The following MAP4K5 variants were observed in gnomAD, a reference collection of about 807,000 sequenced individuals.
MAP4K5 encodes the protein MAPK/ERK kinase kinase kinase 5.
Under a neutral mutation model 135.6 loss-of-function variants are expected in MAP4K5, and 82 were observed. That is an observed-to-expected ratio of 0.60 (90% confidence interval 0.51 to 0.73). The LOEUF (loss-of-function observed/expected upper bound fraction) is 0.73. MAP4K5 is among the 30% of genes least tolerant of loss of function. The pLI is 0.00. For missense variants in MAP4K5, 907 were observed against 1,010.9 expected, an observed-to-expected ratio of 0.90 and a Z score of 1.39; for synonymous variants, 347 against 335.0, an observed-to-expected ratio of 1.04 and a Z score of -0.39.
chr14:50,531,937 C>A lies in MAP4K5; in HGVS notation c.108+5G>T. 1 of 1,586,142 alleles carries A rather than the reference C, an allele frequency of 6.3e-7. No homozygotes were observed. On this transcript the variant is annotated splice_donor_5th_base_variant and intron_variant, in intron 2 of 32. Coordinates refer to ENST00000682126, the MANE Select transcript of MAP4K5 (RefSeq NM_006575.6). ...CAGGAAAAAAGCACGGCCAGCCTCA[C>A]TTACCTTATAGACGTCCCCGTAGGT...
At chr14:50,515,143 C>T (rs1304438933) in intron 2 of MAP4K5, among the ~76,000 whole-genome samples, 1 of 152,162 alleles carries the variant, frequency 6.6e-6, no homozygotes, top group East Asian at 1.9e-4. Context: ...ACCTTGTGAT[C>T]TGCCCGCCTT....
chr14:50,462,676 C>T lies in MAP4K5; in HGVS notation c.925G>A (p.Asp309Asn), dbSNP rs1350356267. 3.1e-6 allele frequency: 5 copies of T among 1,600,646 alleles called. No homozygotes were observed. The highest frequency in any genetic ancestry group is 1.4e-5 in the African/African-American group (1 of 74,042). ...AAACACTTCCTTACCTCAAAGTCAT[C>T]GTCATCTGCTTCAGTGTAATGTGCG... ...NHAHYTEADD[D>N]DFEPHAIIRH... The change falls in exon 13 of 33, where the codon GAT (aspartate) becomes AAT (asparagine). Residue 309 changes from aspartate (D) to asparagine (N), a missense_variant. Transcript: ENST00000682126.
In MAP4K5 at chr14:50,532,172, G is replaced by T. The variant is rs111496833; in HGVS notation, c.-109-14C>A. Reference sequence around the variant, plus strand: ...CCGCAGCTCCGTCTGCACGAGGGACGAGCAAAGGCTGGTTGGCGTCGCAGG... The same window carrying T: ...CCGCAGCTCCGTCTGCACGAGGGACTAGCAAAGGCTGGTTGGCGTCGCAGG... On this transcript the variant is annotated splice_polypyrimidine_tract_variant and intron_variant, in intron 1 of 32. Transcript: ENST00000682126. The T allele has an allele frequency of 2.1e-4, 136 of 647,048 alleles. No homozygotes were observed. Among genetic ancestry groups the T allele is most frequent in the Non-Finnish European group, 3.3e-4 (124 of 380,766 alleles). 40.1% of individuals were successfully genotyped at this position (647,048 alleles called of 1,614,324 possible).
At chr14:50,479,756 T>C (rs954166851) in intron 6 of MAP4K5, among the ~76,000 whole-genome samples, 1 of 152,310 alleles carries the variant, frequency 6.6e-6, no homozygotes, top group South Asian at 2.1e-4. Context: ...TTTTACTTTG[T>C]TGGGTGCTGT....
At chr14:50,548,649 A>G (rs193114204) in intron 1 of MAP4K5, among the ~76,000 whole-genome samples, 2,251 of 152,234 alleles carry the variant, frequency 0.015, 45 homozygotes, top group African/African-American at 0.051. Flanking sequence ...AGCTGGGACT[A>G]CAGGCACACA....
chr14:50,487,307 A>AAAAAC (rs1390804636), intron 3 of MAP4K5, among the ~76,000 whole-genome samples: 5 of 152,330 alleles, frequency 3.3e-5, no homozygotes, highest in East Asian at 3.9e-4. Flanking sequence ...ACTCCACCTC[A>AAAAAC]AAAACAAAAC....
At chr14:50,544,611 T>C (rs2038604716) in intron 1 of MAP4K5, among the ~76,000 whole-genome samples, 1 of 152,112 alleles carries the variant, frequency 6.6e-6, no homozygotes, top group African/African-American at 2.4e-5. Flanking sequence ...GCAACTGCCA[T>C]TTTGAAAACA....
At chr14:50,448,697 A>G in intron 15 of MAP4K5, 77 bp downstream of exon 15, 2 of 780,234 alleles carry the variant, frequency 2.6e-6, no homozygotes, top group Non-Finnish European at 4.1e-6. Context: ...TTTGTTTTCT[A>G]ATCAAAGTAC....
rs1356918436 is a variant in MAP4K5 at position 50,441,791 on chromosome 14, CACACACAT to C, written c.1564+933_1564+940del. On this transcript the variant is annotated intron_variant, in intron 21 of 32. Transcript: ENST00000682126. ...ACACACACACACACACACACACACACACACACATATATATACCCCCTCTGTCATACTTT... is the reference window on the plus strand; with the variant it reads ...ACACACACACACACACACACACACACATATATACCCCCTCTGTCATACTTT... Among the ~76,000 whole-genome samples, 84 of 104,790 alleles carry C rather than the reference CACACACAT, an allele frequency of 8.0e-4. 1 individual carries two copies. In the South Asian group the frequency reaches 0.021, roughly 27 times the overall value. The allele number at this position is 104,790 out of a possible 152,430, so 68.7% of individuals were successfully genotyped here.
chr14:50,441,743 TACACACACACACACAC>T (rs57651486), intron 21 of MAP4K5, among the ~76,000 whole-genome samples: 29,837 of 141,454 alleles, frequency 0.21, 3,120 homozygotes, highest in South Asian at 0.29. Flanking sequence ...AATTATTTTA[TACACACACACACACAC>T]ACACACACAC....
intron 16 of MAP4K5, among the ~76,000 whole-genome samples, chr14:50,446,571 A>G (rs181037553): frequency 3.4e-4 from 52 of 152,332 alleles, no homozygotes; most frequent in South Asian, 2.1e-4. Context: ...CTCCAGGTCA[A>G]TAAGTTTGAG....
At position 50,491,703 on chromosome 14, in the gene MAP4K5, C is replaced by T. The variant is rs113864483; in HGVS notation, c.167-5509G>A. Among the ~76,000 whole-genome samples, 46 of 127,882 alleles carry T rather than the reference C, an allele frequency of 3.6e-4. 1 individual carries two copies. Among genetic ancestry groups the T allele is most frequent in the African/African-American group, 7.3e-4 (25 of 34,282 alleles). The allele number at this position is 127,882 out of a possible 152,430, so 83.9% of individuals were successfully genotyped here. A position where few individuals can be genotyped will look rare whatever the true frequency, so the allele number is the denominator to read the frequency against. ...CTGAACTTTCTTTTTTTTTTTTTTTCGAGACAGGGTTTCACTGTATTGCCC... is the reference window on the plus strand; with the variant it reads ...CTGAACTTTCTTTTTTTTTTTTTTTTGAGACAGGGTTTCACTGTATTGCCC... On this transcript the variant is annotated intron_variant, in intron 3 of 32. Coordinates refer to ENST00000682126, the MANE Select transcript of MAP4K5 (RefSeq NM_006575.6).
chr14:50,463,289 T>C (rs989083909), intron 12 of MAP4K5, among the ~76,000 whole-genome samples: 1 of 152,228 alleles, frequency 6.6e-6, no homozygotes, highest in African/African-American at 2.4e-5. Context: ...AAGTGTTTTA[T>C]ACACACACAT....
intron 6 of MAP4K5, among the ~76,000 whole-genome samples, chr14:50,477,166 T>C (rs1386851514): frequency 1.3e-5 from 2 of 152,192 alleles, no homozygotes; most frequent in Non-Finnish European, 1.5e-5. Flanking sequence ...TTCAGGAGTT[T>C]TGTAGTTTTC....
chr14:50,481,837 A>C (rs1329861682), intron 6 of MAP4K5, among the ~76,000 whole-genome samples: 1 of 152,258 alleles, frequency 6.6e-6, no homozygotes, highest in Non-Finnish European at 1.5e-5. Flanking sequence ...TGCTATCAAT[A>C]ACATTTAATA....
chr14:50,474,968 C>A, intron 9 of MAP4K5, 109 bp downstream of exon 9: 2 of 940,708 alleles, frequency 2.1e-6, no homozygotes, highest in Admixed American at 2.0e-5. Context: ...TCAAAGAGCA[C>A]GCAAATCTCC....
rs142233686 is a variant in MAP4K5, at chr14:50,514,421, A to T, written c.109-9564T>A. Among the ~76,000 whole-genome samples the T allele has an allele frequency of 3.3e-5, 5 of 152,276 alleles. No individual in the cohort carries two copies. The East Asian group carries it at 9.6e-4, about 29-fold the overall frequency. ...TAACTGGTTCATTTATTCAACAAAC[A>T]TTACTTAATACTTACTATGTGCCAG... On this transcript the variant is annotated intron_variant, in intron 2 of 32. Transcript: ENST00000682126.
chr14:50,473,119 TG>T (rs1388853674), intron 9 of MAP4K5, among the ~76,000 whole-genome samples: 13 of 152,300 alleles, frequency 8.5e-5, no homozygotes, highest in African/African-American at 3.1e-4. Context: ...AAAAGGTTGT[TG>T]GATTTATGAA....
intron 2 of MAP4K5, among the ~76,000 whole-genome samples, chr14:50,525,094 A>G (rs1331302462): frequency 6.6e-6 from 1 of 152,134 alleles, no homozygotes; most frequent in Non-Finnish European, 1.5e-5. Flanking sequence ...GACCTCACCT[A>G]TATTTCACAG....
Sources: gnomAD v4.1 joint callset for allele counts (sites outside exome capture counted in the v4.1 genomes callset) on GRCh38, gnomAD v4.1.1 for gene constraint, MANE v1.5 for transcripts, NCBI Gene and HGNC (gene_info 2026-07-23, HGNC 2026-07-21) for gene names.